GNAZ: variants seen among roughly 807,000 people sequenced by gnomAD.
GNAZ encodes G protein subunit alpha z.
GNAZ carries 3 observed loss-of-function variants against 25.4 expected under a neutral mutation model. That is an observed-to-expected ratio of 0.12 (90% confidence interval 0.05 to 0.30). The LOEUF (loss-of-function observed/expected upper bound fraction) is 0.30. GNAZ is among the 10% of genes least tolerant of loss of function. The probability of loss-of-function intolerance (pLI) is 1.00; values close to 1 mark genes in which losing one functional copy is unlikely to be tolerated. For missense variants in GNAZ, 241 were observed against 501.8 expected (o/e 0.48, Z 4.97); for synonymous variants, 211 against 205.7 (o/e 1.03, Z -0.22).
chr22:23,105,355 A>ATTT (rs1327632280), intron 2 of GNAZ, among the ~76,000 whole-genome samples: 1 of 152,226 alleles, frequency 6.6e-6, no homozygotes, highest in African/African-American at 2.4e-5. Context: ...AAGGATGAAT[A>ATTT]TTTTTGAAAA....
At chr22:23,084,056 G>A (rs1316749164) in intron 1 of GNAZ, among the ~76,000 whole-genome samples, 1 of 152,182 alleles carries the variant, frequency 6.6e-6, no homozygotes, top group Non-Finnish European at 1.5e-5. Flanking sequence ...GGTGAGCTAT[G>A]CAGGCGATCT....
chr22:23,094,954 C>T (rs956718069), intron 1 of GNAZ, among the ~76,000 whole-genome samples: 16 of 152,230 alleles, frequency 1.1e-4, no homozygotes, highest in Non-Finnish European at 1.9e-4. Flanking sequence ...TAACTGGATG[C>T]GGTAGAAGTG....
Position 23,123,161 on chromosome 22 carries a change from C to G in GNAZ, c.798C>G (p.Ile266Met). ...ACTGGTTCATCAACACCTCACTCAT[C>G]CTCTTCCTGAACAAGAAGGACCTGC... ...NNNWFINTSL[I>M]LFLNKKDLLA... Residue 266 changes from isoleucine (I) to methionine (M), a missense_variant, in exon 3 of 3, where the codon ATC becomes ATG. Ile to Met is a conservative substitution (Grantham distance 10). Transcript: ENST00000615612. 6.2e-7 allele frequency: 1 copy of G among 1,613,898 alleles called. No homozygotes were observed.
intron 1 of GNAZ, among the ~76,000 whole-genome samples, chr22:23,090,914 C>T (rs2068953095): frequency 6.6e-6 from 1 of 152,188 alleles, no homozygotes; most frequent in Non-Finnish European, 1.5e-5. Context: ...AGCCCAAGTG[C>T]CAGAATCAAA....
At chr22:23,109,727 GT>G (rs1401323568) in intron 2 of GNAZ, among the ~76,000 whole-genome samples, 8 of 152,350 alleles carry the variant, frequency 5.3e-5, no homozygotes, top group Admixed American at 4.6e-4. Flanking sequence ...GCAGGGTTCA[GT>G]GTTAAAGGCC....
Position 23,112,260 on chromosome 22 carries a change from C to A in GNAZ, c.724-10827C>A, listed in dbSNP as rs1056190701. 1.1e-4 allele frequency among the ~76,000 whole-genome samples: 16 copies of A among 152,362 alleles called. No homozygotes were observed. In the East Asian group the frequency reaches 3.1e-3, roughly 29 times the overall value. ...CTTCCCCAGCTGCCACAGCCCCAGG[C>A]CCTGCCTGGGGGTCTCTGGAGGAAG... On this transcript the variant is annotated intron_variant, in intron 2 of 2. Coordinates refer to ENST00000615612, the MANE Select transcript of GNAZ (RefSeq NM_002073.4).
At chr22:23,099,510 T>G (rs1325823837) in intron 2 of GNAZ, among the ~76,000 whole-genome samples, 4 of 152,224 alleles carry the variant, frequency 2.6e-5, no homozygotes, top group Admixed American at 2.6e-4. Context: ...GGCGCACCTG[T>G]CCCCTGAATG....
intron 2 of GNAZ, among the ~76,000 whole-genome samples, chr22:23,096,622 C>CT (rs565056659): frequency 3.9e-5 from 6 of 152,138 alleles, no homozygotes; most frequent in Non-Finnish European, 5.9e-5. Flanking sequence ...TGTCCCATGC[C>CT]TGAAGTACTC....
intron 2 of GNAZ, among the ~76,000 whole-genome samples, chr22:23,104,369 T>C (rs539679059): frequency 9.3e-4 from 141 of 152,278 alleles, no homozygotes; most frequent in African/African-American, 3.3e-3. Context: ...ATACACCTCC[T>C]GCTCTGCCTC....
At chr22:23,094,214 G>A (rs867283654) in intron 1 of GNAZ, among the ~76,000 whole-genome samples, 33 of 152,270 alleles carry the variant, frequency 2.2e-4, no homozygotes, top group African/African-American at 7.2e-4. Flanking sequence ...CATAGGTCAG[G>A]GAAGGAGCAA....
At chr22:23,121,423 C>T (rs1479988755) in intron 2 of GNAZ, among the ~76,000 whole-genome samples, 8 of 152,214 alleles carry the variant, frequency 5.3e-5, no homozygotes, top group Non-Finnish European at 2.9e-5. Context: ...CCTGGGCACC[C>T]CTGCCCTCAG....
chr22:23,111,758 G>A (rs543955452), intron 2 of GNAZ, among the ~76,000 whole-genome samples: 27 of 152,334 alleles, frequency 1.8e-4, no homozygotes, highest in South Asian at 8.3e-4. Context: ...CAGCAGGGTC[G>A]TGGGCAAGCG....
rs558403691 is a variant in GNAZ at position 23,074,940 on chromosome 22, G to A, written c.-450+4370G>A. Among the ~76,000 whole-genome samples the A allele has an allele frequency of 5.9e-5, 9 of 152,308 alleles. No individual in the cohort carries two copies. The South Asian group carries it at 1.9e-3, about 32-fold the overall frequency. On this transcript the variant is annotated intron_variant, in intron 1 of 2. Transcript: ENST00000615612. ...TCCTATACTATGGGAGACTGAGGTA[G>A]GAGGATCACTTGAAGTCAGGAGTTT...
At chr22:23,109,876 C>G (rs56967548) in intron 2 of GNAZ, among the ~76,000 whole-genome samples, 1 of 152,210 alleles carries the variant, frequency 6.6e-6, no homozygotes, top group Non-Finnish European at 1.5e-5. Context: ...ACCAGCCCCC[C>G]ACCTCTCAGT....
chr22:23,094,272 C>T (rs1222605416), intron 1 of GNAZ, among the ~76,000 whole-genome samples: 1 of 152,146 alleles, frequency 6.6e-6, no homozygotes, highest in East Asian at 1.9e-4. Context: ...CCTGGGCTCA[C>T]AGCCGGGGAA....
chr22:23,116,054 C>T (rs2069824371), intron 2 of GNAZ, among the ~76,000 whole-genome samples: 1 of 152,278 alleles, frequency 6.6e-6, no homozygotes, highest in African/African-American at 2.4e-5. Context: ...AACAACAAAA[C>T]AGTCAAACAG....
At position 23,107,372 on chromosome 22, in the gene GNAZ, A is replaced by G. The variant is rs145474458; in HGVS notation, c.723+10954A>G. 3.2e-3 allele frequency among the ~76,000 whole-genome samples: 490 copies of G among 152,228 alleles called. 2 individuals carry two copies. The highest frequency in any genetic ancestry group is 0.011 in the African/African-American group (467 of 41,564). Reference sequence around the variant, plus strand: ...GCCTGTGCCCTCCTGAGCTGCCTACATGGGCAGCTGAGCAGCCCTGTGCGG... The same window carrying G: ...GCCTGTGCCCTCCTGAGCTGCCTACGTGGGCAGCTGAGCAGCCCTGTGCGG... On this transcript the variant is annotated intron_variant, in intron 2 of 2. Coordinates refer to ENST00000615612, the MANE Select transcript of GNAZ (RefSeq NM_002073.4).
chr22:23,100,122 T>C (rs969364531), intron 2 of GNAZ, among the ~76,000 whole-genome samples: 2 of 152,148 alleles, frequency 1.3e-5, no homozygotes, highest in Non-Finnish European at 2.9e-5. Context: ...CTGTGCAGGC[T>C]CAAGGCTCAG....
At chr22:23,082,300 T>TCCG (rs1182608225) in intron 1 of GNAZ, among the ~76,000 whole-genome samples, 2 of 151,212 alleles carry the variant, frequency 1.3e-5, no homozygotes, top group Admixed American at 1.3e-4. Context: ...CACTGCAACC[T>TCCG]CCGCCTCCCA....
Sources: allele counts gnomAD v4.1 joint callset (sites outside exome capture counted in the v4.1 genomes callset), GRCh38; gene constraint gnomAD v4.1.1; transcripts MANE v1.5; gene names NCBI Gene and HGNC (gene_info 2026-07-23, HGNC 2026-07-21).